The following AKR1C8 variants were observed in gnomAD, a reference collection of about 807,000 sequenced individuals.
AKR1C8 encodes the protein aldo-keto reductase family 1 member C8.
At chr10:5,145,153 G>A in the AKR1C8 span, among the ~76,000 whole-genome samples, 1 of 151,998 alleles carries the variant, frequency 6.6e-6, no homozygotes, top group Admixed American at 6.6e-5. Flanking sequence ...CTTTGGCTCT[G>A]TTTATATACT....
chr10:5,144,288 A>G, the AKR1C8 span, among the ~76,000 whole-genome samples: 3 of 152,032 alleles, frequency 2.0e-5, no homozygotes, highest in Admixed American at 6.5e-5. Flanking sequence ...CTTGTAGTAT[A>G]GTTTGAAGTC....
At chr10:5,153,181 A>C in the AKR1C8 span, among the ~76,000 whole-genome samples, 1 of 152,280 alleles carries the variant, frequency 6.6e-6, no homozygotes, top group Middle Eastern at 3.4e-3. Context: ...TTGCCTATTT[A>C]ATTTACTGCT....
chr10:5,120,768 G>C, the AKR1C8 span, among the ~76,000 whole-genome samples: 2,268 of 152,106 alleles, frequency 0.015, 55 homozygotes, highest in African/African-American at 0.052. Context: ...CATATTTTTG[G>C]GGGGGACTGA....
chr10:5,175,960 G>A, the AKR1C8 span, among the ~76,000 whole-genome samples: 1 of 152,018 alleles, frequency 6.6e-6, no homozygotes, highest in Non-Finnish European at 1.5e-5. Flanking sequence ...TTCTTTTGCT[G>A]TGCAAAAGCT....
the AKR1C8 span, among the ~76,000 whole-genome samples, chr10:5,170,016 C>G: frequency 6.6e-6 from 1 of 151,996 alleles, no homozygotes; most frequent in Non-Finnish European, 1.5e-5. Flanking sequence ...GAGTTGATTC[C>G]TGTAACAGGT....
chr10:5,141,654 G>A, the AKR1C8 span, among the ~76,000 whole-genome samples: 1 of 152,076 alleles, frequency 6.6e-6, no homozygotes, highest in Admixed American at 6.6e-5. Flanking sequence ...TAATCTTTTG[G>A]TACCTCTGCA....
the AKR1C8 span, among the ~76,000 whole-genome samples, chr10:5,172,597 T>A: frequency 6.6e-6 from 1 of 152,100 alleles, no homozygotes; most frequent in Non-Finnish European, 1.5e-5. Flanking sequence ...GTAGCCTCTA[T>A]AACAAATTTT....
chr10:5,136,204 C>T, the AKR1C8 span, among the ~76,000 whole-genome samples: 2 of 152,022 alleles, frequency 1.3e-5, no homozygotes, highest in South Asian at 4.2e-4. Context: ...GTGAATAATC[C>T]TCACATGCCT....
the AKR1C8 span, among the ~76,000 whole-genome samples, chr10:5,182,928 C>G: frequency 6.6e-6 from 1 of 151,610 alleles, no homozygotes; most frequent in Non-Finnish European, 1.5e-5. Context: ...AAAAATTATT[C>G]TTACTATTCT....
chr10:5,155,895 T>C, the AKR1C8 span: 3 of 352,134 alleles, frequency 8.5e-6, no homozygotes, highest in South Asian at 2.4e-5. Context: ...TCCAGGTGCA[T>C]GTGGCTTGAG....
chr10:5,163,008 G>A, the AKR1C8 span: 44 of 534,136 alleles, frequency 8.2e-5, no homozygotes, highest in East Asian at 2.4e-3. Context: ...TCGGCAGCCT[G>A]GCTTTTGGGA....
chr10:5,135,747 C>G, the AKR1C8 span, among the ~76,000 whole-genome samples: 2 of 96,498 alleles, frequency 2.1e-5, no homozygotes, highest in African/African-American at 4.7e-5. Context: ...CATTGTACAT[C>G]TTTCTCTCAC....
At chr10:5,115,816 A>AT in the AKR1C8 span, among the ~76,000 whole-genome samples, 156 of 152,088 alleles carry the variant, frequency 1.0e-3, no homozygotes, top group South Asian at 0.018. Context: ...TAAAATGAAG[A>AT]TTTTTTTTAG....
At chr10:5,136,782 A>C in the AKR1C8 span, among the ~76,000 whole-genome samples, 2 of 152,188 alleles carry the variant, frequency 1.3e-5, no homozygotes, top group South Asian at 2.1e-4. Flanking sequence ...AATAGTGTGA[A>C]CATGAAGGAC....
chr10:5,179,086 C>A, the AKR1C8 span, among the ~76,000 whole-genome samples: 1,255 of 152,274 alleles, frequency 8.2e-3, 14 homozygotes, highest in African/African-American at 0.029. Context: ...ATGGTCTTTA[C>A]AATTTGGCAT....
the AKR1C8 span, among the ~76,000 whole-genome samples, chr10:5,158,432 G>C: frequency 6.6e-6 from 1 of 152,198 alleles, no homozygotes; most frequent in Non-Finnish European, 1.5e-5. Flanking sequence ...AAGAATGTTG[G>C]TGACATTTAA....
chr10:5,142,555 G>A, the AKR1C8 span, among the ~76,000 whole-genome samples: 2 of 152,108 alleles, frequency 1.3e-5, no homozygotes, highest in Admixed American at 6.6e-5. Context: ...AGAGGTCACT[G>A]TAGGGTTACA....
the AKR1C8 span, among the ~76,000 whole-genome samples, chr10:5,118,492 G>C: frequency 1.3e-5 from 2 of 152,192 alleles, no homozygotes; most frequent in Non-Finnish European, 2.9e-5. Flanking sequence ...TACACAGAAA[G>C]GTGGAGGGAA....
chr10:5,179,384 C>CG, the AKR1C8 span, among the ~76,000 whole-genome samples: 1 of 152,094 alleles, frequency 6.6e-6, no homozygotes, highest in Non-Finnish European at 1.5e-5. Context: ...GTGGGTAACC[C>CG]GACCTTTCTC....
Sources: allele counts gnomAD v4.1 joint callset (sites outside exome capture counted in the v4.1 genomes callset), GRCh38; gene constraint gnomAD v4.1.1; transcripts MANE v1.5; gene names NCBI Gene and HGNC (gene_info 2026-07-23, HGNC 2026-07-21).